GRID2: variants seen among roughly 807,000 people sequenced by gnomAD.
GRID2 encodes the protein glutamate receptor ionotropic, delta-2.
GRID2 carries 33 observed loss-of-function variants against 114.8 expected under a neutral mutation model. The ratio of observed to expected loss-of-function variants is 0.29; its 90% CI spans 0.22 to 0.38. The LOEUF (loss-of-function observed/expected upper bound fraction) is 0.38, where lower values mean the gene tolerates loss of function less well. Ranked by LOEUF, GRID2 falls within the 10% of genes least tolerant of loss-of-function variation. The probability of loss-of-function intolerance (pLI) is 1.00; values close to 1 mark genes in which losing one functional copy is unlikely to be tolerated. For synonymous variants in GRID2, 505 were observed against 449.9 expected (o/e 1.12, Z -1.55); for missense variants, 1,184 against 1,257.7 (o/e 0.94, Z 0.89).
intron 2 of GRID2, among the ~76,000 whole-genome samples, chr4:92,944,192 G>GAGGC (rs1480713442): frequency 6.6e-6 from 1 of 152,206 alleles, no homozygotes; most frequent in East Asian, 1.9e-4. Flanking sequence ...GGAGTCTACA[G>GAGGC]AGGCAGGCAG....
At chr4:93,667,500 T>C (rs546391870) in intron 14 of GRID2, among the ~76,000 whole-genome samples, 1 of 151,928 alleles carries the variant, frequency 6.6e-6, no homozygotes, top group Non-Finnish European at 1.5e-5. Context: ...AATTCTACCA[T>C]GAAGTGTCAT....
At chr4:93,404,616 CA>C (rs1766230884) in intron 9 of GRID2, among the ~76,000 whole-genome samples, 1 of 152,220 alleles carries the variant, frequency 6.6e-6, no homozygotes, top group East Asian at 1.9e-4. Flanking sequence ...GACCTTCTAA[CA>C]GAACCTGGCA....
chr4:93,453,499 A>G (rs1214686369), intron 10 of GRID2, among the ~76,000 whole-genome samples: 1 of 152,108 alleles, frequency 6.6e-6, no homozygotes, highest in African/African-American at 2.4e-5. Context: ...TAGATATATG[A>G]CAAGTAATTG....
chr4:92,980,383 A>G (rs1161075562), intron 2 of GRID2, among the ~76,000 whole-genome samples: 2 of 152,096 alleles, frequency 1.3e-5, no homozygotes, highest in Non-Finnish European at 2.9e-5. Context: ...AAAATAATTG[A>G]AGATAATTGT....
chr4:93,086,248 AAGTC>A (rs2149323362), intron 3 of GRID2, among the ~76,000 whole-genome samples: 1 of 152,344 alleles, frequency 6.6e-6, no homozygotes, highest in South Asian at 2.1e-4. Context: ...TCTGAAAAGA[AAGTC>A]AGAGAGGATT....
intron 11 of GRID2, among the ~76,000 whole-genome samples, chr4:93,471,770 G>A (rs895243221): frequency 1.6e-5 from 2 of 123,340 alleles, no homozygotes; most frequent in East Asian, 2.2e-4. Context: ...GCGTGATCTC[G>A]GCTCACTGCA....
At chr4:93,135,582 T>A (rs1380393738) in intron 4 of GRID2, among the ~76,000 whole-genome samples, 1 of 152,192 alleles carries the variant, frequency 6.6e-6, no homozygotes, top group Non-Finnish European at 1.5e-5. Flanking sequence ...GCTTTCTAGT[T>A]GAAAATTAAT....
At chr4:92,599,766 C>CCT (rs1316353742) in intron 2 of GRID2, among the ~76,000 whole-genome samples, 2 of 151,880 alleles carry the variant, frequency 1.3e-5, no homozygotes, top group African/African-American at 4.8e-5. Context: ...GTGGCTCACG[C>CCT]CTGTAATCCC....
chr4:93,221,127 C>G (rs990687832), intron 6 of GRID2, among the ~76,000 whole-genome samples: 2 of 152,050 alleles, frequency 1.3e-5, no homozygotes, highest in African/African-American at 4.8e-5. Flanking sequence ...ATCGTGGTCT[C>G]TATGTCAGAA....
chr4:93,063,158 T>C (rs999282738), intron 2 of GRID2, among the ~76,000 whole-genome samples: 2 of 151,886 alleles, frequency 1.3e-5, no homozygotes, highest in African/African-American at 4.8e-5. Flanking sequence ...GAATAAATAG[T>C]ACTATGAAAT....
chr4:93,613,809 G>C (rs1741258514), intron 13 of GRID2, among the ~76,000 whole-genome samples: 1 of 151,826 alleles, frequency 6.6e-6, no homozygotes, highest in African/African-American at 2.4e-5. Context: ...ACAGAGGCAG[G>C]CAGGCCTCCT....
chr4:92,458,243 C>T (rs186707763), intron 1 of GRID2, among the ~76,000 whole-genome samples: 22 of 152,224 alleles, frequency 1.4e-4, no homozygotes, highest in East Asian at 1.4e-3. Context: ...ATGATAGGCA[C>T]GGTGAGAACA....
At chr4:93,166,229 C>G (rs1738235190) in intron 4 of GRID2, 1 of 152,158 alleles carries the variant, frequency 6.6e-6, no homozygotes, top group Non-Finnish European at 1.5e-5. Flanking sequence ...ATTTTAGTAT[C>G]TATCTATTAA....
intron 1 of GRID2, among the ~76,000 whole-genome samples, chr4:92,543,480 T>G (rs1201852221): frequency 6.6e-6 from 1 of 152,216 alleles, no homozygotes; most frequent in East Asian, 1.9e-4. Flanking sequence ...ATGCACATCC[T>G]ATTAGCCTTA....
chr4:92,887,396 A>G (rs1204475175), intron 2 of GRID2, among the ~76,000 whole-genome samples: 1 of 152,194 alleles, frequency 6.6e-6, no homozygotes, highest in Non-Finnish European at 1.5e-5. Flanking sequence ...TCTGGATTGA[A>G]GAAAGTTGGT....
chr4:93,206,940 G>A (rs1173552289), intron 4 of GRID2, among the ~76,000 whole-genome samples: 1 of 152,116 alleles, frequency 6.6e-6, no homozygotes, highest in East Asian at 1.9e-4. Context: ...CAAAACAGTA[G>A]AAAGCATATA....
rs182271988 is a variant in GRID2 at position 93,134,683 on chromosome 4, T to A, written c.735+23730T>A. On this transcript the variant is annotated intron_variant, in intron 4 of 15. Transcript: ENST00000282020. Reference sequence around the variant, plus strand: ...CTCAGCCACTATTAAGGCATTTTAATGAAAATTAAAATTTGATTTTTTAGC... The same window carrying A: ...CTCAGCCACTATTAAGGCATTTTAAAGAAAATTAAAATTTGATTTTTTAGC... Among the ~76,000 whole-genome samples, 331 of 152,258 alleles carry A rather than the reference T, an allele frequency of 2.2e-3. 1 individual carries two copies. Among genetic ancestry groups the A allele is most frequent in the African/African-American group, 7.7e-3 (320 of 41,552 alleles).
At chr4:92,921,935 GC>G (rs1263695466) in intron 2 of GRID2, among the ~76,000 whole-genome samples, 1 of 152,180 alleles carries the variant, frequency 6.6e-6, no homozygotes, top group Non-Finnish European at 1.5e-5. Context: ...GCTATGCCCT[GC>G]CCCCAGAGGT....
chr4:93,261,370 G>A (rs1189348346), intron 8 of GRID2, among the ~76,000 whole-genome samples: 2 of 151,838 alleles, frequency 1.3e-5, no homozygotes, highest in Non-Finnish European at 2.9e-5. Flanking sequence ...CAGCCTCTTT[G>A]TGGGACAAGT....
Sources: allele counts gnomAD v4.1 joint callset (sites outside exome capture counted in the v4.1 genomes callset), GRCh38; gene constraint gnomAD v4.1.1; transcripts MANE v1.5; gene names NCBI Gene and HGNC (gene_info 2026-07-23, HGNC 2026-07-21).